ADCK1: variants seen among roughly 807,000 people sequenced by gnomAD.
ADCK1 encodes the protein aarF domain containing kinase 1, also known as aarF domain-containing protein kinase 1.
A neutral mutation model predicts 52.3 loss-of-function variants in ADCK1; 41 were observed. The ratio of observed to expected loss-of-function variants is 0.78; its 90% confidence interval spans 0.61 to 1.02. The LOEUF (loss-of-function observed/expected upper bound fraction) is 1.02. Ranked by LOEUF, ADCK1 falls within the 50% of genes least tolerant of loss-of-function variation. ADCK1 has a pLI of 0.00. For synonymous variants in ADCK1, 250 were observed against 274.6 expected (o/e 0.91, Z 0.89); for missense variants, 658 against 679.5 (o/e 0.97, Z 0.35).
intron 1 of ADCK1, among the ~76,000 whole-genome samples, chr14:77,816,881 A>AAAATATATATAT (rs150077207): frequency 2.7e-5 from 3 of 110,028 alleles, no homozygotes; most frequent in Admixed American, 1.1e-4. Context: ...GTAGATGGTA[A>AAAATATATATAT]ATATATATAT....
At chr14:77,874,635 C>T (rs2082858285) in intron 4 of ADCK1, among the ~76,000 whole-genome samples, 1 of 152,066 alleles carries the variant, frequency 6.6e-6, no homozygotes, top group African/African-American at 2.4e-5. Flanking sequence ...GTCCCCTCTC[C>T]CTGCTGGGGC....
chr14:77,892,146 G>A (rs2083295866), intron 5 of ADCK1, among the ~76,000 whole-genome samples: 2 of 152,166 alleles, frequency 1.3e-5, no homozygotes, highest in Non-Finnish European at 2.9e-5. Flanking sequence ...ATTGATCACA[G>A]CCTGGTCTTA....
intron 3 of ADCK1, among the ~76,000 whole-genome samples, chr14:77,855,530 TG>T (rs909433983): frequency 7.9e-5 from 12 of 152,340 alleles, no homozygotes; most frequent in African/African-American, 2.4e-4. Flanking sequence ...GGTTAAACTC[TG>T]TTAATATGTT....
intron 7 of ADCK1, among the ~76,000 whole-genome samples, chr14:77,921,884 A>G (rs900964658): frequency 6.6e-6 from 1 of 152,122 alleles, no homozygotes; most frequent in Admixed American, 6.5e-5. Flanking sequence ...GCGATTAGCA[A>G]TATTTCAGAA....
At chr14:77,924,694 A>T in intron 8 of ADCK1, 88 bp downstream of exon 8, 2 of 1,538,902 alleles carry the variant, frequency 1.3e-6, no homozygotes, top group South Asian at 2.4e-5. Context: ...CGGGAGGGAG[A>T]TAGCGAGGGT....
intron 4 of ADCK1, among the ~76,000 whole-genome samples, chr14:77,866,076 G>C (rs1442848847): frequency 6.6e-6 from 1 of 152,160 alleles, no homozygotes; most frequent in Non-Finnish European, 1.5e-5. Context: ...ATCATTAGGT[G>C]ATTTTGTTGC....
In ADCK1 at chr14:77,923,854, T is replaced by C. The variant is rs1451175975; in HGVS notation, c.859-603T>C. The C allele has an allele frequency of 6.6e-6, 1 of 152,606 alleles. No individual in the cohort carries two copies. The highest frequency in any genetic ancestry group is 1.5e-5 in the Non-Finnish European group (1 of 68,494). The allele number at this position is 152,606 out of a possible 1,614,324, so 9.5% of individuals were successfully genotyped here. A position where few individuals can be genotyped will look rare whatever the true frequency, so the allele number is the denominator to read the frequency against. On this transcript the variant is annotated intron_variant, in intron 7 of 10. Transcript: ENST00000238561. This position sits in a 1 kb window ranked among gnomAD's most constrained non-coding sequence, Gnocchi z 4.3. ...TCTGTGCAGACATCATAAATCAGAT[T>C]AGCATTGGGCTCTGGCAGGGAGGGG...
At chr14:77,931,463 C>A in intron 9 of ADCK1, 55 bp from the exon 10 acceptor site, 1 of 1,563,980 alleles carries the variant, frequency 6.4e-7, no homozygotes, top group South Asian at 1.2e-5. Context: ...CCTGCCACCC[C>A]TGGCCCCACT....
At chr14:77,846,828 T>C (rs1229943920) in intron 3 of ADCK1, among the ~76,000 whole-genome samples, 1 of 152,226 alleles carries the variant, frequency 6.6e-6, no homozygotes, top group Non-Finnish European at 1.5e-5. Flanking sequence ...CTTTTTCTTC[T>C]GTGGACCCGA....
intron 3 of ADCK1, among the ~76,000 whole-genome samples, chr14:77,858,564 G>A (rs1246643569): frequency 6.6e-6 from 1 of 152,136 alleles, no homozygotes; most frequent in African/African-American, 2.4e-5. Context: ...GCAACAAAAC[G>A]ACGGAGTTTA....
intron 1 of ADCK1, among the ~76,000 whole-genome samples, chr14:77,808,519 A>G (rs1238141725): frequency 1.3e-5 from 2 of 152,222 alleles, no homozygotes; most frequent in African/African-American, 4.8e-5. Flanking sequence ...AGTTAAAACT[A>G]TGTTCAAAAT....
At chr14:77,857,326 C>G (rs2082440101) in intron 3 of ADCK1, among the ~76,000 whole-genome samples, 1 of 152,092 alleles carries the variant, frequency 6.6e-6, no homozygotes, top group Non-Finnish European at 1.5e-5. Context: ...AAAAATTGTG[C>G]AAATTTATGG....
intron 6 of ADCK1, among the ~76,000 whole-genome samples, chr14:77,901,247 C>T (rs995751461): frequency 2.6e-5 from 4 of 151,370 alleles, no homozygotes; most frequent in Admixed American, 1.3e-4. Flanking sequence ...GATGGGGTTT[C>T]ACCATGTTGT....
chr14:77,812,505 G>A (rs937331101), intron 1 of ADCK1, among the ~76,000 whole-genome samples: 4 of 148,116 alleles, frequency 2.7e-5, no homozygotes, highest in Non-Finnish European at 5.9e-5. Context: ...GTGTGTGTGT[G>A]TATATATATA....
intron 2 of ADCK1, among the ~76,000 whole-genome samples, chr14:77,819,963 A>G (rs2081545214): frequency 6.6e-6 from 1 of 152,218 alleles, no homozygotes; most frequent in Non-Finnish European, 1.5e-5. Flanking sequence ...GCCTGTCTTC[A>G]AGGCTGAGCT....
At chr14:77,849,523 C>G (rs1466838033) in intron 3 of ADCK1, among the ~76,000 whole-genome samples, 1 of 152,086 alleles carries the variant, frequency 6.6e-6, no homozygotes, top group Non-Finnish European at 1.5e-5. Context: ...CTCACTACAA[C>G]CTTGACCTCC....
In ADCK1 at chr14:77,899,163, G is replaced by A; in HGVS notation, c.646G>A (p.Ala216Thr). ...EFEFMWLVDE[A>T]KKNLPLELDF... is the part of the protein sequence containing the mutation. ...TGAGTTTATGTGGCTTGTGGATGAA[G>A]CCAAGAAGAACCTGCCTTTGGAGCT... is the stretch of plus-strand genomic sequence containing the variant. The change falls in exon 6 of 11, where the codon GCC becomes ACC. Residue 216 changes from alanine (A) to threonine (T), a missense_variant. By Grantham distance (58) the Ala-to-Thr change is moderately conservative. Transcript: ENST00000238561. 2.5e-6 allele frequency: 4 copies of A among 1,614,218 alleles called. No individual in the cohort carries two copies. Among genetic ancestry groups the A allele is most frequent in the Non-Finnish European group, 1.7e-6 (2 of 1,180,042 alleles).
At chr14:77,826,595 A>G (rs1204102595) in intron 3 of ADCK1, among the ~76,000 whole-genome samples, 9 of 152,194 alleles carry the variant, frequency 5.9e-5, no homozygotes, top group Admixed American at 5.9e-4. Context: ...GATGTGTGTG[A>G]GCTGGCTTAT....
At chr14:77,865,657 G>C (rs1264935825) in intron 4 of ADCK1, among the ~76,000 whole-genome samples, 1 of 152,188 alleles carries the variant, frequency 6.6e-6, no homozygotes, top group African/African-American at 2.4e-5. Context: ...ACACGGCCTG[G>C]AGCTTCATAG....
Sources: allele counts gnomAD v4.1 joint callset (sites outside exome capture counted in the v4.1 genomes callset), GRCh38; gene constraint gnomAD v4.1.1; non-coding constraint Gnocchi (gnomAD v3.1); transcripts MANE v1.5; gene names NCBI Gene and HGNC (gene_info 2026-07-23, HGNC 2026-07-21).